ACSL1: variants seen among roughly 807,000 people sequenced by gnomAD.
ACSL1 encodes the protein long-chain-fatty-acid--CoA ligase 1.
A neutral mutation model predicts 98.4 loss-of-function variants in ACSL1; 41 were observed. That is an observed-to-expected ratio of 0.42 (90% CI 0.32 to 0.54). The LOEUF (loss-of-function observed/expected upper bound fraction) is 0.54. Among genes scored for constraint, ACSL1 ranks in the 20% least tolerant of loss-of-function variants. ACSL1 has a pLI of 0.13. For missense variants in ACSL1, 734 were observed against 883.1 expected (o/e 0.83, Z 2.14); for synonymous variants, 316 against 322.7 (o/e 0.98, Z 0.22).
intron 14 of ACSL1, among the ~76,000 whole-genome samples, 184 bp downstream of exon 14, chr4:184,765,707 A>G (rs1763490733): frequency 6.6e-6 from 1 of 152,224 alleles, no homozygotes; most frequent in Admixed American, 6.5e-5. Context: ...AGCTTCATTT[A>G]GCCATTCCAC....
At chr4:184,812,450 T>C (rs1277044606) in intron 1 of ACSL1, among the ~76,000 whole-genome samples, 1 of 151,950 alleles carries the variant, frequency 6.6e-6, no homozygotes, top group Non-Finnish European at 1.5e-5. Flanking sequence ...AGTCTCCTTC[T>C]ACCCGCCACC....
intron 18 of ACSL1, chr4:184,759,009 T>TG (rs397726436): frequency 6.7e-6 from 1 of 149,488 alleles, no homozygotes; most frequent in Non-Finnish European, 1.5e-5. Flanking sequence ...GTTTGTTTTT[T>TG]GTCCTTGTGA....
At chr4:184,819,713 C>G (rs181042724) in intron 1 of ACSL1, among the ~76,000 whole-genome samples, 1 of 152,202 alleles carries the variant, frequency 6.6e-6, no homozygotes, top group Admixed American at 6.5e-5. Flanking sequence ...GCAGAAGCCC[C>G]TGACAGGCAA....
chr4:184,809,129 A>T (rs1016967348), intron 1 of ACSL1, among the ~76,000 whole-genome samples: 2 of 152,252 alleles, frequency 1.3e-5, no homozygotes, highest in African/African-American at 2.4e-5. Flanking sequence ...ATGTAAAAAG[A>T]AGAAACAAAG....
chr4:184,776,458 A>G lies in ACSL1; in HGVS notation c.756+26T>C, dbSNP rs549813240. The G allele has an allele frequency of 1.1e-4, 180 of 1,600,872 alleles. No homozygotes were observed. The South Asian group carries it at 1.9e-3, about 17-fold the overall frequency. ...ACACGGCCCCAGGGAAAGCCTTCAGAGAAGGGAAGGAGGCAGGGCACTCAC... is the reference window on the plus strand; with the variant it reads ...ACACGGCCCCAGGGAAAGCCTTCAGGGAAGGGAAGGAGGCAGGGCACTCAC... On this transcript the variant is annotated intron_variant, in intron 7 of 20. Transcript: ENST00000281455.
intron 11 of ACSL1, chr4:184,770,172 C>A: frequency 1.6e-6 from 2 of 1,262,352 alleles, no homozygotes; most frequent in East Asian, 2.5e-5. Flanking sequence ...AATTTATATT[C>A]TTTCAAATAA....
intron 2 of ACSL1, among the ~76,000 whole-genome samples, chr4:184,794,897 T>C (rs1387132773): frequency 2.1e-5 from 3 of 145,920 alleles, no homozygotes; most frequent in Non-Finnish European, 4.4e-5. Context: ...ATCTCCAGTT[T>C]CCAACTTCCC....
At chr4:184,810,820 G>A (rs1022283706) in intron 1 of ACSL1, among the ~76,000 whole-genome samples, 4 of 152,190 alleles carry the variant, frequency 2.6e-5, no homozygotes, top group Non-Finnish European at 5.9e-5. Flanking sequence ...AGCACTTGCC[G>A]TGTGTCAGGT....
chr4:184,783,580 C>A (rs549296873), intron 4 of ACSL1, among the ~76,000 whole-genome samples: 2 of 152,222 alleles, frequency 1.3e-5, no homozygotes, highest in African/African-American at 4.8e-5. Context: ...TTCCCACGTT[C>A]CAGCTTCTGA....
chr4:184,768,321 CA>C lies in ACSL1; in HGVS notation c.1122del (p.Phe374LeufsTer12). 1 of 1,611,592 alleles carries C rather than the reference CA, an allele frequency of 6.2e-7. No individual in the cohort carries two copies. The highest frequency in any genetic ancestry group is 8.5e-7 in the Non-Finnish European group (1 of 1,179,460). On this transcript the variant is annotated frameshift_variant, in exon 12 of 21. Coordinates refer to ENST00000281455, the MANE Select transcript of ACSL1 (RefSeq NM_001995.5). LOFTEE classifies it high-confidence loss of function. ...PVVPRLLNRM[F>X]DRIFGQANTT... ...CTTCGCTGCTTGGAACTTACTCGGT[CA>C]AACATCCGGTTCAGCAGTCTTGGAA...
intron 1 of ACSL1, among the ~76,000 whole-genome samples, chr4:184,811,334 G>T (rs146899852): frequency 0.096 from 14,495 of 151,718 alleles, 850 homozygotes; most frequent in Non-Finnish European, 0.14. Context: ...GGATGGTCTC[G>T]ATCTCCCGAC....
At chr4:184,776,748 T>C in intron 6 of ACSL1, 86 bp from the exon 7 acceptor site, 1 of 1,500,416 alleles carries the variant, frequency 6.7e-7, no homozygotes, top group Non-Finnish European at 9.0e-7. Flanking sequence ...ATACTTGAAG[T>C]ACTACATTCT....
chr4:184,799,798 AT>A (rs1397053610), intron 2 of ACSL1, among the ~76,000 whole-genome samples: 1 of 152,078 alleles, frequency 6.6e-6, no homozygotes, highest in Admixed American at 6.6e-5. Flanking sequence ...GTAGTGAGCT[AT>A]GACCACACCA....
intron 1 of ACSL1, among the ~76,000 whole-genome samples, chr4:184,815,380 T>C (rs1772536225): frequency 6.6e-6 from 1 of 152,074 alleles, no homozygotes; most frequent in Non-Finnish European, 1.5e-5. Context: ...ATGACAGCAT[T>C]CTTGTCAATG....
intron 10 of ACSL1, among the ~76,000 whole-genome samples, chr4:184,771,742 A>G (rs2150314660): frequency 6.6e-6 from 1 of 152,300 alleles, no homozygotes; most frequent in East Asian, 1.9e-4. Flanking sequence ...ATGATATACC[A>G]AGTTCTGAGC....
intron 3 of ACSL1, among the ~76,000 whole-genome samples, chr4:184,786,806 G>A (rs1767452887): frequency 6.7e-6 from 1 of 149,252 alleles, no homozygotes. Context: ...CGATTCTCCT[G>A]CCTCAGCCTC....
At chr4:184,824,107 A>T (rs1434430551) in intron 1 of ACSL1, among the ~76,000 whole-genome samples, 1 of 152,142 alleles carries the variant, frequency 6.6e-6, no homozygotes, top group Non-Finnish European at 1.5e-5. Flanking sequence ...AATGCTTATA[A>T]TTGTGGGGAA....
At position 184,776,335 on chromosome 4, in the gene ACSL1, C is replaced by A. The variant is rs1245330540; in HGVS notation, c.756+149G>T. ...TAGAATCCTTTTTCCAGCAATGAGA[C>A]AGAAGTTTCTGCTCTCTTTCATGGG... On this transcript the variant is annotated intron_variant, in intron 7 of 20. Coordinates refer to ENST00000281455, the MANE Select transcript of ACSL1 (RefSeq NM_001995.5). 5 of 754,516 alleles carry A rather than the reference C, an allele frequency of 6.6e-6. No individual in the cohort carries two copies. In the African/African-American group the frequency reaches 8.9e-5, roughly 13 times the overall value. 46.7% of individuals were successfully genotyped at this position (754,516 alleles called of 1,614,324 possible).
At chr4:184,782,233 C>A (rs1349629229) in intron 4 of ACSL1, among the ~76,000 whole-genome samples, 1 of 142,282 alleles carries the variant, frequency 7.0e-6, no homozygotes. Context: ...AATACACGCA[C>A]ATTTATATTT....
Sources: allele counts gnomAD v4.1 joint callset (sites outside exome capture counted in the v4.1 genomes callset), GRCh38; gene constraint gnomAD v4.1.1; transcripts MANE v1.5; gene names NCBI Gene and HGNC (gene_info 2026-07-23, HGNC 2026-07-21).